The following ZFP1 variants were observed in gnomAD, a reference collection of about 807,000 sequenced individuals.
ZFP1 encodes ZFP1 zinc finger protein.
ZFP1 carries 32 observed loss-of-function variants against 38.5 expected under a neutral mutation model. The observed-to-expected ratio is 0.83, with a 90% CI of 0.63 to 1.12. The LOEUF (loss-of-function observed/expected upper bound fraction) is 1.12. ZFP1 is among the 50% of genes most tolerant of loss of function. The probability of loss-of-function intolerance (pLI) is 0.00; values close to 1 mark genes in which losing one functional copy is unlikely to be tolerated. For synonymous variants in ZFP1, 245 were observed against 168.8 expected (o/e 1.45, Z -3.50); for missense variants, 616 against 480.8 (o/e 1.28, Z -2.63).
At chr16:75,131,640 G>A in the ZFP1 span, among the ~76,000 whole-genome samples, 4 of 151,980 alleles carry the variant, frequency 2.6e-5, no homozygotes, top group Non-Finnish European at 5.9e-5. Context: ...TGTCCACCTC[G>A]GTTCGTTGCT....
At chr16:75,124,002 G>A in the ZFP1 span, among the ~76,000 whole-genome samples, 1 of 151,566 alleles carries the variant, frequency 6.6e-6, no homozygotes, top group Non-Finnish European at 1.5e-5. Flanking sequence ...GCAGAGGGAG[G>A]AGAATCACTT....
chr16:75,158,897 T>C lies in ZFP1; in HGVS notation c.15+5931T>C, dbSNP rs2037603442. Among the ~76,000 whole-genome samples the C allele has an allele frequency of 2.0e-5, 3 of 147,340 alleles. No homozygotes were observed. In the South Asian group the frequency reaches 6.4e-4, roughly 31 times the overall value. ...GGGTTGTTTATCTCTTGATTGTTTT[T>C]GTCTTGTCTTTTTTTTTTTTTTTTT... On this transcript the variant is annotated intron_variant, in intron 2 of 3. Coordinates refer to ENST00000570010, the MANE Select transcript of ZFP1 (RefSeq NM_153688.4).
chr16:75,150,509 G>T (rs922148871), intron 1 of ZFP1, among the ~76,000 whole-genome samples: 1 of 152,160 alleles, frequency 6.6e-6, no homozygotes, highest in Non-Finnish European at 1.5e-5. Context: ...GTGAGCCATC[G>T]CACCCGGCCC....
At chr16:75,163,570 C>A (rs1274549801) in intron 2 of ZFP1, among the ~76,000 whole-genome samples, 2 of 151,826 alleles carry the variant, frequency 1.3e-5, no homozygotes, top group Non-Finnish European at 2.9e-5. Context: ...CGTCGGCCTC[C>A]CAGAGTGCTG....
intron 2 of ZFP1, among the ~76,000 whole-genome samples, chr16:75,153,803 G>A (rs1321306488): frequency 6.6e-6 from 1 of 152,124 alleles, no homozygotes; most frequent in Non-Finnish European, 1.5e-5. Context: ...GCATCATACA[G>A]AATAGGTTCA....
chr16:75,157,579 A>G (rs114246069), intron 2 of ZFP1, among the ~76,000 whole-genome samples: 250 of 152,204 alleles, frequency 1.6e-3, no homozygotes, highest in African/African-American at 5.8e-3. Context: ...ATAGCTAGGT[A>G]TGAATGTGGA....
chr16:75,131,695 G>A, the ZFP1 span, among the ~76,000 whole-genome samples: 39 of 152,244 alleles, frequency 2.6e-4, no homozygotes, highest in South Asian at 8.3e-4. Flanking sequence ...CAGGCACAGC[G>A]GCTCACGCCT....
At chr16:75,160,884 C>T (rs1037098555) in intron 2 of ZFP1, among the ~76,000 whole-genome samples, 6 of 151,996 alleles carry the variant, frequency 3.9e-5, no homozygotes, top group Admixed American at 2.6e-4. Context: ...CTCCTAACCC[C>T]GCTCACAAGG....
the ZFP1 span, among the ~76,000 whole-genome samples, chr16:75,141,611 G>A: frequency 4.6e-5 from 7 of 152,050 alleles, no homozygotes; most frequent in Admixed American, 3.9e-4. Context: ...TTATCTGTGT[G>A]TAGTGGCTCA....
Position 75,166,782 on chromosome 16 carries a change from T to C in ZFP1, c.28T>C (p.Phe10Leu). MNKSQGSVS[F>L]TDVTVDFTQE... ...TATGCCATTTCAGGGATCAGTTTCA[T>C]TCACGGATGTGACTGTGGACTTTAC... Residue 10 changes from phenylalanine to leucine, a missense_variant, in exon 3 of 4, where the codon TTC (phenylalanine) becomes CTC (leucine). By Grantham distance (22) the Phe-to-Leu change is conservative (BLOSUM62 0). Transcript: ENST00000570010. The C allele has an allele frequency of 1.2e-6, 2 of 1,614,198 alleles. No homozygotes were observed. The highest frequency in any genetic ancestry group is 1.3e-5 in the African/African-American group (1 of 75,048).
chr16:75,156,270 A>C (rs1348467287), intron 2 of ZFP1, among the ~76,000 whole-genome samples: 1 of 152,196 alleles, frequency 6.6e-6, no homozygotes, highest in East Asian at 1.9e-4. Flanking sequence ...CCTGGCCAAC[A>C]TGGCGAAACC....
rs550664609 is a variant in ZFP1, at chr16:75,171,830, G to A, written c.*1496G>A. 1.3e-5 allele frequency: 2 copies of A among 152,316 alleles called. No homozygotes were observed. The highest frequency in any genetic ancestry group is 4.8e-5 in the African/African-American group (2 of 41,584). 9.4% of individuals were successfully genotyped at this position (152,316 alleles called of 1,614,324 possible). ...CATCTTACTTACTCACAAAGGAGGG[G>A]AAAACGTTATTTTCATAGCTGCTTT... On this transcript the variant is annotated 3_prime_UTR_variant, in exon 4 of 4. Transcript: ENST00000570010.
the ZFP1 span, among the ~76,000 whole-genome samples, chr16:75,123,108 C>G: frequency 6.6e-6 from 1 of 151,898 alleles, no homozygotes; most frequent in Non-Finnish European, 1.5e-5. Context: ...AATCCCAGCA[C>G]TTGGGGAGGA....
the ZFP1 span, among the ~76,000 whole-genome samples, chr16:75,137,708 C>T: frequency 5.3e-5 from 8 of 151,734 alleles, no homozygotes; most frequent in African/African-American, 1.7e-4. Context: ...CCTCGTGATC[C>T]GCCCGCCTTG....
chr16:75,129,811 C>T, the ZFP1 span, among the ~76,000 whole-genome samples: 1 of 152,132 alleles, frequency 6.6e-6, no homozygotes, highest in Non-Finnish European at 1.5e-5. Context: ...AGATCTGCCT[C>T]AGATTTTTGG....
intron 2 of ZFP1, among the ~76,000 whole-genome samples, chr16:75,161,709 G>A (rs1340741118): frequency 8.5e-6 from 1 of 117,862 alleles, no homozygotes; most frequent in Non-Finnish European, 1.7e-5. Flanking sequence ...TAGATTATAA[G>A]ATTTCTTTAT....
the ZFP1 span, among the ~76,000 whole-genome samples, chr16:75,127,625 A>G: frequency 3.3e-5 from 5 of 152,148 alleles, no homozygotes; most frequent in Middle Eastern, 6.3e-3. Context: ...CTGGCCTAAC[A>G]GGTGCTCTTG....
chr16:75,150,554 C>T (rs1233317898), intron 1 of ZFP1, among the ~76,000 whole-genome samples: 1 of 152,028 alleles, frequency 6.6e-6, no homozygotes, highest in African/African-American at 2.4e-5. Context: ...TAGTTTAATT[C>T]TGATTTGGTC....
At chr16:75,169,228 T>C in intron 3 of ZFP1, 25 bp from the exon 4 acceptor site, 4 of 1,574,502 alleles carry the variant, frequency 2.5e-6, no homozygotes, top group Non-Finnish European at 3.4e-6. Flanking sequence ...GACAAGGTTC[T>C]TTTCATTGTG....
Sources: allele counts gnomAD v4.1 joint callset (sites outside exome capture counted in the v4.1 genomes callset), GRCh38; gene constraint gnomAD v4.1.1; transcripts MANE v1.5; gene names NCBI Gene and HGNC (gene_info 2026-07-23, HGNC 2026-07-21).